Variants in CDH13 observed in about 807,000 individuals in gnomAD.
The protein encoded by CDH13 is cadherin-13.
A neutral mutation model predicts 63.8 loss-of-function variants in CDH13; 24 were observed. The ratio of observed to expected loss-of-function variants is 0.38; its 90% CI spans 0.27 to 0.53. The LOEUF (loss-of-function observed/expected upper bound fraction) is 0.53. Among genes scored for constraint, CDH13 ranks in the 20% least tolerant of loss-of-function variants. The pLI is 0.85. For missense variants in CDH13, 1,049 were observed against 903.1 expected (o/e 1.16, Z -2.07); for synonymous variants, 503 against 355.3 (o/e 1.42, Z -4.67).
chr16:83,212,598 A>G (rs984608570), intron 4 of CDH13, among the ~76,000 whole-genome samples: 8 of 152,196 alleles, frequency 5.3e-5, no homozygotes, highest in African/African-American at 1.9e-4. Context: ...TAGGTCTAGA[A>G]AGAAGGTGGC....
At position 82,824,469 on chromosome 16, in the gene CDH13, A is replaced by G. The variant is rs190720669; in HGVS notation, c.46-33893A>G. 4 of 152,364 alleles carry G rather than the reference A, an allele frequency of 2.6e-5. No homozygotes were observed. The East Asian group carries it at 7.7e-4, about 29-fold the overall frequency. 9.4% of individuals were successfully genotyped at this position (152,364 alleles called of 1,614,324 possible). On this transcript the variant is annotated intron_variant, in intron 1 of 13. Coordinates refer to ENST00000567109, the MANE Select transcript of CDH13 (RefSeq NM_001257.5). ...TTTGCAGTTCTTACTAAATTAATAT[A>G]TCTAGGCAGTAACCATCAATAAAAA...
intron 13 of CDH13, among the ~76,000 whole-genome samples, chr16:83,789,189 A>C (rs1916087451): frequency 6.6e-6 from 1 of 152,198 alleles, no homozygotes; most frequent in Admixed American, 6.5e-5. Flanking sequence ...ACTCAAATGC[A>C]TAAAAGCAGA....
chr16:82,741,644 A>T (rs906336607), intron 1 of CDH13, among the ~76,000 whole-genome samples: 2 of 152,226 alleles, frequency 1.3e-5, no homozygotes, highest in African/African-American at 4.8e-5. Context: ...AGGAGATTTT[A>T]AAAATAAGCA....
intron 5 of CDH13, among the ~76,000 whole-genome samples, chr16:83,324,401 C>G (rs746518518): frequency 6.6e-6 from 1 of 152,192 alleles, no homozygotes; most frequent in Non-Finnish European, 1.5e-5. Context: ...GAAGTAGCAT[C>G]CAACACCCCC....
intron 2 of CDH13, among the ~76,000 whole-genome samples, chr16:82,883,669 C>A (rs1355436259): frequency 6.6e-6 from 1 of 152,172 alleles, no homozygotes; most frequent in Non-Finnish European, 1.5e-5. Context: ...AAATTTGCAT[C>A]TTGCTCACAG....
At chr16:83,736,837 GC>G (rs1911584138) in intron 10 of CDH13, among the ~76,000 whole-genome samples, 1 of 152,210 alleles carries the variant, frequency 6.6e-6, no homozygotes. Context: ...AGAATTAATG[GC>G]CTCGAACAAG....
chr16:83,215,208 C>T (rs2039462174), intron 4 of CDH13, among the ~76,000 whole-genome samples: 1 of 150,956 alleles, frequency 6.6e-6, no homozygotes, highest in Non-Finnish European at 1.5e-5. Context: ...TCCAGAGTAA[C>T]AGGGATTACA....
At chr16:82,927,839 AG>A (rs1410948150) in intron 2 of CDH13, among the ~76,000 whole-genome samples, 1 of 152,234 alleles carries the variant, frequency 6.6e-6, no homozygotes, top group African/African-American at 2.4e-5. Flanking sequence ...ATGAGTGACC[AG>A]TGCTAATGAG....
chr16:82,736,731 C>A (rs942486527), intron 1 of CDH13, among the ~76,000 whole-genome samples: 7 of 152,192 alleles, frequency 4.6e-5, no homozygotes, highest in African/African-American at 1.7e-4. Context: ...GTCACTCTCT[C>A]CACCTTCTTA....
chr16:83,678,356 A>C lies in CDH13; in HGVS notation c.1433A>C (p.Tyr478Ser). ...VLDVNEGPVFYPDPMMVTRQE... is the reference protein window; with the variant it reads ...VLDVNEGPVFSPDPMMVTRQE... ...GATGTCAACGAGGGCCCAGTCTTCT[A>C]CCCAGACCCCATGATGGTGACCAGG... Residue 478 changes from tyrosine to serine, a missense_variant, in exon 10 of 14, where the codon TAC (tyrosine) becomes TCC (serine). Coordinates refer to ENST00000567109, the MANE Select transcript of CDH13 (RefSeq NM_001257.5). 6.2e-7 allele frequency: 1 copy of C among 1,613,852 alleles called. No individual in the cohort carries two copies.
At chr16:83,505,937 G>A (rs948856073) in intron 7 of CDH13, among the ~76,000 whole-genome samples, 2 of 152,264 alleles carry the variant, frequency 1.3e-5, no homozygotes, top group South Asian at 2.1e-4. Context: ...ATTCCATAAC[G>A]TGGTGGTGGT....
intron 2 of CDH13, among the ~76,000 whole-genome samples, chr16:83,006,513 C>A (rs1355117770): frequency 1.3e-5 from 2 of 152,026 alleles, no homozygotes; most frequent in Admixed American, 1.3e-4. Context: ...ACTAGCCAAG[C>A]GCTTGACTGC....
At chr16:82,878,824 C>T (rs536103483) in intron 2 of CDH13, among the ~76,000 whole-genome samples, 5 of 152,016 alleles carry the variant, frequency 3.3e-5, no homozygotes, top group Non-Finnish European at 7.4e-5. Flanking sequence ...CTAGGTGTCA[C>T]CTGAATATCT....
At chr16:82,642,720 C>A (rs764073903) in intron 1 of CDH13, among the ~76,000 whole-genome samples, 2 of 152,128 alleles carry the variant, frequency 1.3e-5, no homozygotes, top group Non-Finnish European at 2.9e-5. Context: ...GTAGAAGTGG[C>A]AGTAATAGTA....
chr16:82,858,616 G>C, intron 2 of CDH13, 143 bp downstream of exon 2: 1 of 708,982 alleles, frequency 1.4e-6, no homozygotes, highest in South Asian at 1.5e-5. Context: ...GACCCAAAGT[G>C]GAAATTCTTG....
At position 83,436,290 on chromosome 16, in the gene CDH13, A is replaced by T. The variant is rs570071801; in HGVS notation, c.782-50187A>T. Among the ~76,000 whole-genome samples, 7 of 152,228 alleles carry T rather than the reference A, an allele frequency of 4.6e-5. No individual in the cohort carries two copies. In the East Asian group the frequency reaches 1.4e-3, roughly 29 times the overall value. On this transcript the variant is annotated intron_variant, in intron 6 of 13. Transcript: ENST00000567109. ...AATTTCGCTACATATGTTTCTTCAT[A>T]TTGGAGCTTATAATAATGCTTATGT...
At chr16:83,565,151 A>T (rs1219752828) in intron 7 of CDH13, among the ~76,000 whole-genome samples, 1 of 151,832 alleles carries the variant, frequency 6.6e-6, no homozygotes, top group Non-Finnish European at 1.5e-5. Context: ...AGGCCCAGTG[A>T]TCCTTTTCAG....
intron 4 of CDH13, among the ~76,000 whole-genome samples, chr16:83,168,992 G>T (rs2037806557): frequency 6.6e-6 from 1 of 152,064 alleles, no homozygotes; most frequent in African/African-American, 2.4e-5. Flanking sequence ...ACAGACGTGG[G>T]TCCACAGTTA....
intron 4 of CDH13, 78 bp from the exon 5 acceptor site, chr16:83,217,267 C>G: frequency 4.1e-6 from 6 of 1,457,156 alleles, no homozygotes; most frequent in Non-Finnish European, 5.7e-6. Context: ...TAGTGAATTG[C>G]TCATGGGAGT....
Sources: allele counts gnomAD v4.1 joint callset (sites outside exome capture counted in the v4.1 genomes callset), GRCh38; gene constraint gnomAD v4.1.1; transcripts MANE v1.5; gene names NCBI Gene and HGNC (gene_info 2026-07-23, HGNC 2026-07-21).